CCDC7: variants seen among roughly 807,000 people sequenced by gnomAD.
CCDC7 encodes coiled-coil domain containing 7, also known as coiled-coil domain-containing protein 7.
In CCDC7, 183 loss-of-function variants were observed where a neutral mutation model predicts 196.9. The ratio of observed to expected loss-of-function variants is 0.93; its 90% CI spans 0.82 to 1.05. The LOEUF (loss-of-function observed/expected upper bound fraction) is 1.05, where lower values mean the gene tolerates loss of function less well. Among genes scored for constraint, CCDC7 ranks in the 50% least tolerant of loss-of-function variants. The pLI is 0.00. For synonymous variants in CCDC7, 525 were observed against 484.6 expected (o/e 1.08, Z -1.10); for missense variants, 1,540 against 1,482.2 (o/e 1.04, Z -0.64).
chr10:32,586,299 A>G (rs1463710499), intron 18 of CCDC7, among the ~76,000 whole-genome samples: 1 of 152,180 alleles, frequency 6.6e-6, no homozygotes, highest in African/African-American at 2.4e-5. Context: ...GATAGATTGC[A>G]AAATTGTTCT....
intron 13 of CCDC7, among the ~76,000 whole-genome samples, chr10:32,545,691 A>G (rs943367904): frequency 1.3e-5 from 2 of 152,154 alleles, no homozygotes; most frequent in Non-Finnish European, 2.9e-5. Context: ...AGATCACTTG[A>G]GGTCAGGAGT....
chr10:32,670,246 G>A (rs1421191037), intron 21 of CCDC7, among the ~76,000 whole-genome samples: 3 of 151,972 alleles, frequency 2.0e-5, no homozygotes, highest in African/African-American at 7.2e-5. Context: ...GTGTCTTAAT[G>A]AATACAATCC....
At chr10:32,509,673 A>C (rs1589346902) in intron 9 of CCDC7, among the ~76,000 whole-genome samples, 1 of 152,212 alleles carries the variant, frequency 6.6e-6, no homozygotes, top group African/African-American at 2.4e-5. Flanking sequence ...GGGTCAATAT[A>C]AAAAATATAC....
At chr10:32,758,288 A>G (rs1321470319) in intron 28 of CCDC7, among the ~76,000 whole-genome samples, 2 of 152,190 alleles carry the variant, frequency 1.3e-5, no homozygotes, top group Non-Finnish European at 2.9e-5. Flanking sequence ...CCTGGCAGAG[A>G]CACAACAAAA....
intron 37 of CCDC7, among the ~76,000 whole-genome samples, chr10:32,847,551 C>T (rs3003908): frequency 0.34 from 51,897 of 151,688 alleles, 11,300 homozygotes; most frequent in Non-Finnish European, 0.49. Context: ...CCTATCTCTA[C>T]AAAAAATACA....
At chr10:32,757,605 G>C (rs924685242) in intron 28 of CCDC7, among the ~76,000 whole-genome samples, 2 of 152,250 alleles carry the variant, frequency 1.3e-5, no homozygotes, top group Admixed American at 1.3e-4. Context: ...TTAAGGCAGT[G>C]TGTAGAGGGA....
At chr10:32,564,668 G>A (rs1007232270) in intron 13 of CCDC7, among the ~76,000 whole-genome samples, 8 of 151,982 alleles carry the variant, frequency 5.3e-5, no homozygotes, top group African/African-American at 1.7e-4. Flanking sequence ...GGGGGACGGG[G>A]GAGGGATAAC....
intron 32 of CCDC7, among the ~76,000 whole-genome samples, 155 bp from the exon 34 acceptor site, chr10:32,834,660 C>CT (rs5784305): frequency 0.14 from 20,546 of 143,750 alleles, 1,716 homozygotes; most frequent in East Asian, 0.28. Flanking sequence ...CAGTCCAGTG[C>CT]TTTTTTTTTT....
At chr10:32,575,688 A>G (rs1447103667) in intron 16 of CCDC7, among the ~76,000 whole-genome samples, 2 of 152,164 alleles carry the variant, frequency 1.3e-5, no homozygotes, top group South Asian at 2.1e-4. Flanking sequence ...CAGTGAGTCA[A>G]ACAGTCCTGG....
At chr10:32,683,397 C>A (rs1453419066) in intron 21 of CCDC7, among the ~76,000 whole-genome samples, 1 of 152,098 alleles carries the variant, frequency 6.6e-6, no homozygotes, top group Admixed American at 6.5e-5. Flanking sequence ...TTACTGTAAC[C>A]TTGTAGAGTA....
intron 24 of CCDC7, among the ~76,000 whole-genome samples, chr10:32,702,998 G>A: frequency 6.6e-6 from 1 of 152,258 alleles, no homozygotes; most frequent in East Asian, 1.9e-4. Context: ...TTTAATTGGA[G>A]CTTTTAGCCT....
intron 3 of CCDC7, among the ~76,000 whole-genome samples, chr10:32,460,480 A>G (rs1294878975): frequency 6.6e-6 from 1 of 152,218 alleles, no homozygotes; most frequent in Non-Finnish European, 1.5e-5. Context: ...TTGTAGAACT[A>G]TGGCTACAAT....
At chr10:32,828,450 GAA>G in intron 32 of CCDC7, among the ~76,000 whole-genome samples, 4 of 83,912 alleles carry the variant, frequency 4.8e-5, no homozygotes, top group Non-Finnish European at 1.1e-4. Context: ...AGAAGAAGAA[GAA>G]GAAGAAGAAG....
At chr10:32,445,827 G>A (rs918877628), upstream of CCDC7, among the ~76,000 whole-genome samples, 1 of 152,184 alleles carries the variant, frequency 6.6e-6, no homozygotes, top group African/African-American at 2.4e-5. Context: ...GAAGGACTGG[G>A]GCTCTGGTTT....
At chr10:32,811,149 A>T (rs1050125905) in intron 30 of CCDC7, among the ~76,000 whole-genome samples, 1 of 152,046 alleles carries the variant, frequency 6.6e-6, no homozygotes, top group Admixed American at 6.5e-5. Flanking sequence ...TTAATAGAAG[A>T]AAAGCAAAAA....
chr10:32,824,441 A>C (rs1020567404), intron 31 of CCDC7, 77 bp from the exon 33 acceptor site: 2 of 776,370 alleles, frequency 2.6e-6, no homozygotes, highest in Non-Finnish European at 4.2e-6. Context: ...TAATTATGAT[A>C]GTATTAGACA....
intron 18 of CCDC7, among the ~76,000 whole-genome samples, chr10:32,596,469 G>A (rs2060370546): frequency 6.6e-6 from 1 of 152,006 alleles, no homozygotes; most frequent in Admixed American, 6.6e-5. Context: ...GCACACTGAG[G>A]GTGTTGACTC....
chr10:32,638,479 T>G (rs1000825145), intron 20 of CCDC7, among the ~76,000 whole-genome samples: 6 of 152,226 alleles, frequency 3.9e-5, no homozygotes, highest in African/African-American at 1.4e-4. Flanking sequence ...CTGCATCTAT[T>G]GAGATAATCA....
At chr10:32,576,610 G>T (rs1291059514) in intron 16 of CCDC7, among the ~76,000 whole-genome samples, 1 of 149,786 alleles carries the variant, frequency 6.7e-6, no homozygotes, top group East Asian at 2.0e-4. Context: ...GAGTGCAGTG[G>T]CACCATCATG....
Sources: allele counts gnomAD v4.1 joint callset (sites outside exome capture counted in the v4.1 genomes callset), GRCh38; gene constraint gnomAD v4.1.1; transcripts MANE v1.5; gene names NCBI Gene and HGNC (gene_info 2026-07-23, HGNC 2026-07-21).